NEB: variants seen among roughly 807,000 people sequenced by gnomAD.
NEB encodes nemaline myopathy type 2.
In NEB, 512 loss-of-function variants were observed where a neutral mutation model predicts 952.2. The observed-to-expected ratio is 0.54, with a 90% CI of 0.50 to 0.58. The LOEUF (loss-of-function observed/expected upper bound fraction) is 0.58, where lower values mean the gene tolerates loss of function less well. NEB is among the 20% of genes least tolerant of loss of function. The probability of loss-of-function intolerance (pLI) is 0.00; values close to 1 mark genes in which losing one functional copy is unlikely to be tolerated. For missense variants in NEB, 8,428 were observed against 9,231.1 expected, an observed-to-expected ratio of 0.91 and a Z score of 3.56; for synonymous variants, 2,900 against 3,149.8, an observed-to-expected ratio of 0.92 and a Z score of 2.66.
chr2:151,730,844 T>A (rs1318730119), intron 3 of NEB, among the ~76,000 whole-genome samples: 1 of 152,120 alleles, frequency 6.6e-6, no homozygotes, highest in Non-Finnish European at 1.5e-5. Flanking sequence ...TTGCCTAATG[T>A]TCCTCATTCT....
chr2:151,521,864 C>T (rs1036684404), intron 153 of NEB, among the ~76,000 whole-genome samples: 1 of 152,116 alleles, frequency 6.6e-6, no homozygotes, highest in Non-Finnish European at 1.5e-5. Context: ...TTTGGCCTTC[C>T]TTTTTGACTG....
chr2:151,706,578 G>A (rs2099707263), intron 13 of NEB, among the ~76,000 whole-genome samples: 1 of 152,148 alleles, frequency 6.6e-6, no homozygotes, highest in Non-Finnish European at 1.5e-5. Context: ...CGTCTGCAAT[G>A]TGGAGACCCA....
chr2:151,678,060 T>C lies in NEB; in HGVS notation c.3383A>G (p.Lys1128Arg), dbSNP rs764556109. 2 of 1,613,938 alleles carry C rather than the reference T, an allele frequency of 1.2e-6. No individual in the cohort carries two copies. The highest frequency in any genetic ancestry group is 2.2e-5 in the South Asian group (2 of 91,070). Reference protein sequence around the residue: ...AKIQSDREYKKDYEKTKSKYN... With the variant: ...AKIQSDREYKRDYEKTKSKYN... The stretch of plus-strand genomic sequence containing the variant: ...TTTGGACTTTGTCTTCTCATAGTCT[T>C]TTTTATACTCCCGATCTGATTGTAT... The change falls in exon 33 of 182, where the codon AAA (lysine) becomes AGA (arginine). Residue 1128 changes from lysine (K) to arginine (R), a missense_variant. This residue lies in a region of NEB where 2,851 missense variants were observed against 2,791.5 expected (regional missense o/e 1.02). Coordinates refer to ENST00000397345, the MANE Select transcript of NEB (RefSeq NM_001164508.2).
intron 1 of NEB, among the ~76,000 whole-genome samples, chr2:151,734,066 T>G (rs570708987): frequency 1.3e-5 from 2 of 152,286 alleles, no homozygotes; most frequent in African/African-American, 4.8e-5. Context: ...TGAAGCCCAG[T>G]AGAACAGGAT....
At chr2:151,550,365 A>G (rs2095239912) in intron 129 of NEB, among the ~76,000 whole-genome samples, 3 of 151,850 alleles carry the variant, frequency 2.0e-5, no homozygotes, top group Non-Finnish European at 4.4e-5. Context: ...GGAAATGCAG[A>G]GAAGATAGGT....
rs779375137 is a variant in NEB at position 151,533,584 on chromosome 2, T to A, written c.21313-38A>T. 1.3e-5 allele frequency: 18 copies of A among 1,368,758 alleles called. 1 individual carries two copies. In the South Asian group the frequency reaches 2.2e-4, roughly 17 times the overall value. The allele number at this position is 1,368,758 out of a possible 1,614,324, so 84.8% of individuals were successfully genotyped here. On this transcript the variant is annotated intron_variant, in intron 142 of 181. Coordinates refer to ENST00000397345, the MANE Select transcript of NEB (RefSeq NM_001164508.2). The stretch of plus-strand genomic sequence containing the variant: ...AGAGCAGTGAAGCACAAAAGAGACT[T>A]ATGAAGACAGAAAAGAACACGGCTC...
In NEB at chr2:151,490,038, C is replaced by T. The variant is rs751128054; in HGVS notation, c.25337G>A (p.Arg8446Gln). The T allele has an allele frequency of 8.7e-6, 14 of 1,613,084 alleles. No individual in the cohort carries two copies. Among genetic ancestry groups the T allele is most frequent in the East Asian group, 2.2e-5 (1 of 44,840 alleles). ...CTGTTGGGTAGCAACTGAAGATGAT[C>T]GTTGTTGTGGGAGCTCTGTGGTTTT... Reference protein sequence around the residue: ...HAKTTELPQQRSSSVATQQTT... With the variant: ...HAKTTELPQQQSSSVATQQTT... Residue 8446 changes from arginine (R) to glutamine (Q), a missense_variant, in exon 181 of 182, where the codon CGA becomes CAA. Physicochemically the swap from Arg to Gln is conservative, Grantham distance 43 (BLOSUM62 1). Transcript: ENST00000397345.
At chr2:151,660,660 G>A (rs1169400871) in intron 46 of NEB, among the ~76,000 whole-genome samples, 1 of 152,158 alleles carries the variant, frequency 6.6e-6, no homozygotes, top group East Asian at 1.9e-4. Flanking sequence ...TTCAGGCTTT[G>A]TGGGCTAAAC....
intron 110 of NEB, 64 bp from the exon 111 acceptor site, chr2:151,568,780 AC>A (rs2096525326): frequency 8.4e-7 from 1 of 1,188,136 alleles, no homozygotes; most frequent in African/African-American, 1.5e-5. Context: ...CTGAGAAGAT[AC>A]ACTAAATTTA....
intron 143 of NEB, among the ~76,000 whole-genome samples, chr2:151,533,110 CTACT>C (rs1319431120): frequency 6.6e-6 from 1 of 152,202 alleles, no homozygotes; most frequent in Non-Finnish European, 1.5e-5. Flanking sequence ...GCTGTTGAAT[CTACT>C]TACTATCTTC....
chr2:151,492,290 T>C lies in NEB; in HGVS notation c.24874-9A>G. On this transcript the variant is annotated splice_polypyrimidine_tract_variant and intron_variant, in intron 177 of 181. Coordinates refer to ENST00000397345, the MANE Select transcript of NEB (RefSeq NM_001164508.2). ...TCTTCATGATATTTCACCTGAAATGTCATGAATTTGCTTTATGAAAATATG... is the reference window on the plus strand; with the variant it reads ...TCTTCATGATATTTCACCTGAAATGCCATGAATTTGCTTTATGAAAATATG... 2 of 1,607,484 alleles carry C rather than the reference T, an allele frequency of 1.2e-6. No homozygotes were observed. The highest frequency in any genetic ancestry group is 2.2e-5 in the South Asian group (2 of 90,582).
In NEB at chr2:151,640,405, C is replaced by T. The variant is rs767512294; in HGVS notation, c.8635G>A (p.Asp2879Asn). 11 of 1,613,818 alleles carry T rather than the reference C, an allele frequency of 6.8e-6. No homozygotes were observed. The highest frequency in any genetic ancestry group is 5.0e-5 in the Admixed American group (3 of 60,000). The change falls in exon 61 of 182, where the codon GAC becomes AAC. Residue 2879 changes from aspartate to asparagine, a missense_variant. Transcript: ENST00000397345. ...CGAGCATGGATGACGTCGCTCTGGT[C>T]GGGCAGGCATGTCCACTGGTGCAGG... ...NYLHQWTCLP[D>N]QSDVIHARQA... is the part of the protein sequence containing the mutation.
In NEB at chr2:151,497,032, A is replaced by G; in HGVS notation, c.24302T>C (p.Val8101Ala). The G allele has an allele frequency of 6.4e-7, 1 of 1,566,428 alleles. No homozygotes were observed. The highest frequency in any genetic ancestry group is 8.7e-7 in the Non-Finnish European group (1 of 1,153,714). Residue 8101 changes from valine (V) to alanine (A), a missense_variant and splice_region_variant, in exon 172 of 182, where the codon GTG becomes GCG. By Grantham distance (64) the Val-to-Ala change is moderately conservative. This residue lies in a region of NEB where 3,374 missense variants were observed against 3,651.5 expected (regional missense o/e 0.92). Transcript: ENST00000397345. ...VKHNQENISS[V>A]LYKENMGKGT... ...CTTGCCCATGTTTTCTTTGTATAAC[A>G]CCTGTGCGATAAGAAAGCAACCAGA...
At chr2:151,696,393 C>G (rs1184450691) in intron 17 of NEB, among the ~76,000 whole-genome samples, 1 of 152,200 alleles carries the variant, frequency 6.6e-6, no homozygotes, top group Admixed American at 6.5e-5. Context: ...TTGTTTGACT[C>G]TAGAACTCAT....
At chr2:151,691,769 C>A in intron 23 of NEB, 95 bp downstream of exon 23, 1 of 929,884 alleles carries the variant, frequency 1.1e-6, no homozygotes, top group Non-Finnish European at 1.7e-6. Flanking sequence ...TCCTTCTAAT[C>A]ACTAGATATT....
chr2:151,573,820 C>A (rs2096731832), intron 107 of NEB, among the ~76,000 whole-genome samples: 1 of 152,138 alleles, frequency 6.6e-6, no homozygotes, highest in Admixed American at 6.6e-5. Context: ...AATTGTGTAG[C>A]CAGCCACGTA....
intron 34 of NEB, among the ~76,000 whole-genome samples, chr2:151,675,672 T>C (rs556643186): frequency 1.4e-4 from 22 of 152,196 alleles, no homozygotes; most frequent in Non-Finnish European, 2.5e-4. Context: ...GCAAGAATAA[T>C]AGAATTCACC....
intron 10 of NEB, among the ~76,000 whole-genome samples, chr2:151,711,595 A>C (rs1188153456): frequency 6.6e-6 from 1 of 152,174 alleles, no homozygotes; most frequent in Non-Finnish European, 1.5e-5. Context: ...TCGTAGCTAT[A>C]AATTTTAGAG....
At chr2:151,639,216 T>A (rs2098816221) in intron 63 of NEB, 64 bp downstream of exon 63, 1 of 1,255,790 alleles carries the variant, frequency 8.0e-7, no homozygotes, top group Non-Finnish European at 1.1e-6. Flanking sequence ...TGGTATCATG[T>A]CATCATAGAG....
Sources: gnomAD v4.1 joint callset for allele counts (sites outside exome capture counted in the v4.1 genomes callset) on GRCh38, gnomAD v4.1.1 for gene constraint, gnomAD v4.1.1 regional missense constraint, MANE v1.5 for transcripts, NCBI Gene and HGNC (gene_info 2026-07-23, HGNC 2026-07-21) for gene names.